Variants in CTBP2 observed in about 807,000 individuals in gnomAD.
The protein encoded by CTBP2 is C-terminal binding protein 2.
Under a neutral mutation model 80.3 loss-of-function variants are expected in CTBP2, and 30 were observed. The observed-to-expected ratio is 0.37, with a 90% confidence interval of 0.28 to 0.51. CTBP2 has a LOEUF of 0.51. Among genes scored for constraint, CTBP2 ranks in the 20% least tolerant of loss-of-function variants. CTBP2 has a pLI of 0.93. For missense variants in CTBP2, 1,212 were observed against 1,375.3 expected (o/e 0.88, Z 1.88); for synonymous variants, 594 against 587.4 (o/e 1.01, Z -0.16).
upstream of CTBP2, among the ~76,000 whole-genome samples, chr10:125,032,620 T>C (rs1338395371): frequency 6.6e-6 from 1 of 150,658 alleles, no homozygotes; most frequent in African/African-American, 2.5e-5. Flanking sequence ...GCTTAGCCCC[T>C]GACCTGCGGA....
At chr10:125,149,267 G>A (rs1859373650) in intron 1 of CTBP2, among the ~76,000 whole-genome samples, 1 of 152,212 alleles carries the variant, frequency 6.6e-6, no homozygotes, top group Admixed American at 6.5e-5. Context: ...AACAGCCTCT[G>A]AGAAAGCAGC....
intron 1 of CTBP2, among the ~76,000 whole-genome samples, chr10:125,135,932 C>G (rs1263876789): frequency 1.3e-5 from 2 of 152,310 alleles, no homozygotes; most frequent in East Asian, 3.9e-4. Context: ...TTAGGACTTA[C>G]CTGATTCTCC....
At chr10:125,101,669 A>G (rs1247830549) in intron 2 of CTBP2, among the ~76,000 whole-genome samples, 1 of 152,194 alleles carries the variant, frequency 6.6e-6, no homozygotes, top group African/African-American at 2.4e-5. Flanking sequence ...CGACCAAGAA[A>G]GGTTTGAGTT....
Position 125,056,927 on chromosome 10 carries a change from G to A in CTBP2, c.-101-17772C>T, listed in dbSNP as rs546249723. Reference sequence around the variant, plus strand: ...AGAGCTCTGGAAGGTTCTCTCCGAGGGACCTGTTGAGCCCCTCATTGCTTT... The same window carrying A: ...AGAGCTCTGGAAGGTTCTCTCCGAGAGACCTGTTGAGCCCCTCATTGCTTT... On this transcript the variant is annotated intron_variant, in intron 2 of 10. Coordinates refer to the CTBP2 transcript ENST00000337195. Among the ~76,000 whole-genome samples, 7 of 152,318 alleles carry A rather than the reference G, an allele frequency of 4.6e-5. No individual in the cohort carries two copies. The South Asian group carries it at 1.4e-3, about 32-fold the overall frequency.
rs113295635 is a variant in CTBP2 at position 125,108,149 on chromosome 10, C to T, written c.-102+2841G>A. 4.2e-3 allele frequency among the ~76,000 whole-genome samples: 635 copies of T among 152,298 alleles called. 6 individuals are homozygous for T. Among genetic ancestry groups the T allele is most frequent in the African/African-American group, 0.014 (597 of 41,552 alleles). On this transcript the variant is annotated intron_variant, in intron 2 of 10. Coordinates refer to the CTBP2 transcript ENST00000337195. Reference sequence around the variant, plus strand: ...CAACATACAGAACAGATAGTAAAAGCAGAACATGCATCCGATCTAAATTTA... The same window carrying T: ...CAACATACAGAACAGATAGTAAAAGTAGAACATGCATCCGATCTAAATTTA...
chr10:125,123,230 G>T (rs1030599027), intron 1 of CTBP2, among the ~76,000 whole-genome samples: 1 of 152,162 alleles, frequency 6.6e-6, no homozygotes, highest in Non-Finnish European at 1.5e-5. Context: ...GCAACGGGGG[G>T]ATTCTTGGGC....
chr10:125,132,443 T>C lies in CTBP2; in HGVS notation c.-205-21350A>G, dbSNP rs760884174. Among the ~76,000 whole-genome samples, 4 of 152,304 alleles carry C rather than the reference T, an allele frequency of 2.6e-5. No homozygotes were observed. In the East Asian group the frequency reaches 5.8e-4, roughly 22 times the overall value. The stretch of plus-strand genomic sequence containing the variant: ...CTTGTCAGAAACACAGGAATGGCCA[T>C]TTCACAGATGAAGGCCTGGGGTTCC... On this transcript the variant is annotated intron_variant, in intron 1 of 10. Transcript: ENST00000337195.
intron 1 of CTBP2, among the ~76,000 whole-genome samples, chr10:125,132,318 A>AC (rs1856316896): frequency 6.6e-6 from 1 of 152,234 alleles, no homozygotes; most frequent in African/African-American, 2.4e-5. Context: ...GCCGTCAATT[A>AC]AACTATGGCT....
chr10:124,996,433 T>A (rs1481561474), intron 4 of CTBP2: 1 of 152,082 alleles, frequency 6.6e-6, no homozygotes, highest in East Asian at 1.9e-4. Context: ...CAGAGACACC[T>A]GGAAAGGGAA....
chr10:125,131,763 G>C (rs933666292), intron 1 of CTBP2, among the ~76,000 whole-genome samples: 1 of 152,174 alleles, frequency 6.6e-6, no homozygotes, highest in Admixed American at 6.5e-5. Flanking sequence ...TCCTCCCCTA[G>C]CACCTAGGCA....
At chr10:125,153,142 T>C (rs1353535060) in intron 1 of CTBP2, among the ~76,000 whole-genome samples, 2 of 152,228 alleles carry the variant, frequency 1.3e-5, no homozygotes, top group African/African-American at 2.4e-5. Flanking sequence ...TAAGGCCACA[T>C]GACCGCACAG....
intron 2 of CTBP2, among the ~76,000 whole-genome samples, 168 bp downstream of exon 2, chr10:125,110,820 TAC>T (rs1243407232): frequency 6.6e-6 from 1 of 152,184 alleles, no homozygotes; most frequent in Non-Finnish European, 1.5e-5. Flanking sequence ...TAAATGAAAA[TAC>T]TAGATGCAAT....
chr10:125,053,814 G>A (rs2135240789), intron 2 of CTBP2, among the ~76,000 whole-genome samples: 1 of 152,178 alleles, frequency 6.6e-6, no homozygotes, highest in East Asian at 1.9e-4. Context: ...ATGCCACATA[G>A]TTCCGAAGGG....
chr10:125,137,030 GA>G (rs1162439727), intron 1 of CTBP2, among the ~76,000 whole-genome samples: 4 of 152,294 alleles, frequency 2.6e-5, no homozygotes, highest in African/African-American at 9.6e-5. Flanking sequence ...CGCCGAAAAC[GA>G]GAAGTTTGTT....
chr10:125,053,158 C>G (rs776827983), intron 2 of CTBP2, among the ~76,000 whole-genome samples: 3 of 152,162 alleles, frequency 2.0e-5, no homozygotes, highest in African/African-American at 7.2e-5. Context: ...ACGGGGCCAC[C>G]GAAGCCAAGG....
intron 2 of CTBP2, among the ~76,000 whole-genome samples, chr10:125,101,084 A>T (rs936066756): frequency 6.6e-6 from 1 of 152,252 alleles, no homozygotes; most frequent in East Asian, 1.9e-4. Context: ...GTGGGCTCTG[A>T]TAATTCCAGC....
chr10:125,060,910 A>G (rs1386520063), intron 2 of CTBP2, among the ~76,000 whole-genome samples: 1 of 152,190 alleles, frequency 6.6e-6, no homozygotes. Context: ...GGGAGGAAAG[A>G]GCAACATGCA....
chr10:125,150,723 C>A (rs9423017), intron 1 of CTBP2, among the ~76,000 whole-genome samples: 1 of 149,996 alleles, frequency 6.7e-6, no homozygotes, highest in African/African-American at 2.5e-5. Flanking sequence ...GGCCTTTTCC[C>A]GGACATAGTG....
At chr10:125,137,932 G>C (rs1198574183) in intron 1 of CTBP2, 1 of 152,244 alleles carries the variant, frequency 6.6e-6, no homozygotes, top group Non-Finnish European at 1.5e-5. Flanking sequence ...CTCAGATGCA[G>C]AGAAGACCCC....
Sources: allele counts gnomAD v4.1 joint callset (sites outside exome capture counted in the v4.1 genomes callset), GRCh38; gene constraint gnomAD v4.1.1; transcripts MANE v1.5; gene names NCBI Gene and HGNC (gene_info 2026-07-23, HGNC 2026-07-21).